KHDRBS3: variants seen among roughly 807,000 people sequenced by gnomAD.
The protein encoded by KHDRBS3 is KH domain-containing, RNA-binding, signal transduction-associated protein 3.
A neutral mutation model predicts 45.6 loss-of-function variants in KHDRBS3; 23 were observed. The ratio of observed to expected loss-of-function variants is 0.50; its 90% CI spans 0.36 to 0.72. The LOEUF (loss-of-function observed/expected upper bound fraction) is 0.72, where lower values mean the gene tolerates loss of function less well. KHDRBS3 is among the 30% of genes least tolerant of loss of function. The pLI is 0.00. For missense variants in KHDRBS3, 352 were observed against 424.8 expected, an observed-to-expected ratio of 0.83 and a Z score of 1.51; for synonymous variants, 162 against 156.5, an observed-to-expected ratio of 1.04 and a Z score of -0.26.
intron 5 of KHDRBS3, among the ~76,000 whole-genome samples, chr8:135,566,674 G>T (rs1827434023): frequency 6.6e-6 from 1 of 152,088 alleles, no homozygotes; most frequent in Non-Finnish European, 1.5e-5. Context: ...GGGCTGTATA[G>T]TGAGACTTTA....
At chr8:135,465,983 A>G (rs1443812868) in intron 1 of KHDRBS3, among the ~76,000 whole-genome samples, 1 of 151,838 alleles carries the variant, frequency 6.6e-6, no homozygotes, top group African/African-American at 2.4e-5. Flanking sequence ...CATTTTCAAC[A>G]TTTTTCCTTG....
At chr8:135,639,849 A>G (rs543871752) in intron 7 of KHDRBS3, among the ~76,000 whole-genome samples, 159 of 152,264 alleles carry the variant, frequency 1.0e-3, no homozygotes, top group African/African-American at 3.8e-3. Context: ...TTCATGAGGG[A>G]TCTGCCCCCG....
At chr8:135,469,176 G>GT (rs1411363091) in intron 1 of KHDRBS3, among the ~76,000 whole-genome samples, 2 of 152,214 alleles carry the variant, frequency 1.3e-5, no homozygotes, top group Admixed American at 1.3e-4. Flanking sequence ...TTTCTTCACA[G>GT]TTTTCTTTAT....
chr8:135,532,009 G>T (rs570090501), intron 2 of KHDRBS3, among the ~76,000 whole-genome samples: 7 of 152,228 alleles, frequency 4.6e-5, no homozygotes, highest in Admixed American at 4.6e-4. Context: ...TTTCAGGGGT[G>T]ATTATCAGGA....
At chr8:135,535,769 T>C (rs1458133866) in intron 2 of KHDRBS3, among the ~76,000 whole-genome samples, 3 of 152,260 alleles carry the variant, frequency 2.0e-5, no homozygotes, top group Non-Finnish European at 1.5e-5. Context: ...CACAGAAATT[T>C]ATATTCTCAC....
chr8:135,481,582 G>A (rs371510464), intron 1 of KHDRBS3, among the ~76,000 whole-genome samples: 8 of 152,126 alleles, frequency 5.3e-5, no homozygotes, highest in African/African-American at 1.9e-4. Context: ...AGTAAATTCT[G>A]CAGTGAAGCT....
At chr8:135,590,639 T>TA (rs1237352352) in intron 6 of KHDRBS3, among the ~76,000 whole-genome samples, 1 of 152,188 alleles carries the variant, frequency 6.6e-6, no homozygotes, top group Non-Finnish European at 1.5e-5. Flanking sequence ...AATAAACAAA[T>TA]ACATGTTTTA....
intron 1 of KHDRBS3, among the ~76,000 whole-genome samples, chr8:135,464,859 T>C (rs555144365): frequency 6.6e-6 from 1 of 152,360 alleles, no homozygotes; most frequent in South Asian, 2.1e-4. Flanking sequence ...CAGATCTTTG[T>C]CTGCCCAACA....
intron 1 of KHDRBS3, among the ~76,000 whole-genome samples, chr8:135,488,892 G>A (rs1198983670): frequency 1.3e-5 from 2 of 152,150 alleles, no homozygotes; most frequent in East Asian, 3.9e-4. Context: ...TTTCTGAATG[G>A]CTGTTAAATG....
In KHDRBS3 at chr8:135,457,802, G is replaced by A. The variant is rs888784795; in HGVS notation, c.-65G>A. The A allele has an allele frequency of 3.6e-6, 4 of 1,115,352 alleles. No homozygotes were observed. The African/African-American group carries it at 6.7e-5, about 19-fold the overall frequency. 69.1% of individuals were successfully genotyped at this position (1,115,352 alleles called of 1,614,324 possible). A position where few individuals can be genotyped will look rare whatever the true frequency, so the allele number is the denominator to read the frequency against. On this transcript the variant is annotated 5_prime_UTR_variant, in exon 1 of 9. Coordinates refer to ENST00000355849, the MANE Select transcript of KHDRBS3 (RefSeq NM_006558.3). The surrounding 1 kb of genome is among the most constrained non-coding windows in gnomAD (Gnocchi z 4.4). ...GCCGCTGGGGGCGCGGGCGGGGTCG[G>A]GGGTTGCCGGGCGCCGCCCCCCGTG... is the stretch of plus-strand genomic sequence containing the variant.
intron 4 of KHDRBS3, 131 bp downstream of exon 4, chr8:135,549,031 G>A (rs1826452227): frequency 2.0e-6 from 1 of 498,926 alleles, no homozygotes; most frequent in Non-Finnish European, 3.3e-6. Flanking sequence ...ATCACCTCAA[G>A]TAGACCTTAC....
chr8:135,513,124 C>G (rs1029694323), intron 1 of KHDRBS3, among the ~76,000 whole-genome samples: 1 of 151,860 alleles, frequency 6.6e-6, no homozygotes, highest in Non-Finnish European at 1.5e-5. Context: ...GGCATGAACC[C>G]GGGAGGCGGA....
chr8:135,533,484 ATG>A, intron 2 of KHDRBS3, among the ~76,000 whole-genome samples: 2 of 152,134 alleles, frequency 1.3e-5, no homozygotes. Flanking sequence ...AGATAGATAA[ATG>A]TGTGTGTGTA....
chr8:135,460,274 C>A (rs1197237191), intron 1 of KHDRBS3, among the ~76,000 whole-genome samples: 12 of 152,220 alleles, frequency 7.9e-5, no homozygotes, highest in African/African-American at 2.4e-4. Flanking sequence ...AATGGGCCAG[C>A]ATGGCAAACC....
chr8:135,589,120 T>C (rs894518977), intron 6 of KHDRBS3, among the ~76,000 whole-genome samples: 3 of 152,240 alleles, frequency 2.0e-5, no homozygotes, highest in Non-Finnish European at 4.4e-5. Context: ...GCACCTAACA[T>C]ATAGTAGTCA....
intron 5 of KHDRBS3, among the ~76,000 whole-genome samples, chr8:135,571,364 C>T (rs1360902318): frequency 6.6e-6 from 1 of 152,180 alleles, no homozygotes; most frequent in African/African-American, 2.4e-5. Flanking sequence ...TAGTTTTACT[C>T]AAAACCTCTT....
At chr8:135,572,530 A>T (rs991437879) in intron 5 of KHDRBS3, among the ~76,000 whole-genome samples, 2 of 152,224 alleles carry the variant, frequency 1.3e-5, no homozygotes, top group Non-Finnish European at 2.9e-5. Flanking sequence ...AATAACCAAT[A>T]ACCTGCTTCA....
At chr8:135,513,431 T>C (rs1355610201) in intron 1 of KHDRBS3, among the ~76,000 whole-genome samples, 1 of 152,200 alleles carries the variant, frequency 6.6e-6, no homozygotes, top group Non-Finnish European at 1.5e-5. Context: ...GGCGCTGTTA[T>C]TTCTACATTT....
intron 5 of KHDRBS3, among the ~76,000 whole-genome samples, chr8:135,572,675 A>C (rs1827760426): frequency 6.6e-6 from 1 of 152,224 alleles, no homozygotes; most frequent in South Asian, 2.1e-4. Flanking sequence ...TCCTCAGGCG[A>C]TGTGGATGCG....
Sources: gnomAD v4.1 joint callset for allele counts (sites outside exome capture counted in the v4.1 genomes callset) on GRCh38, gnomAD v4.1.1 for gene constraint, Gnocchi (gnomAD v3.1) non-coding constraint, MANE v1.5 for transcripts, NCBI Gene and HGNC (gene_info 2026-07-23, HGNC 2026-07-21) for gene names.